Variants in PRDM1 observed in about 807,000 individuals in gnomAD.
The protein encoded by PRDM1 is PR/SET domain 1, also known as PR domain zinc finger protein 1.
PRDM1 carries 13 observed loss-of-function variants against 62.8 expected under a neutral mutation model. The observed-to-expected ratio is 0.21, with a 90% CI of 0.13 to 0.33. PRDM1 has a LOEUF of 0.33. PRDM1 is among the 10% of genes least tolerant of loss of function. The probability of loss-of-function intolerance (pLI) is 1.00; values close to 1 mark genes in which losing one functional copy is unlikely to be tolerated. For synonymous variants in PRDM1, 396 were observed against 417.6 expected (o/e 0.95, Z 0.63); for missense variants, 895 against 1,058.8 (o/e 0.85, Z 2.15).
chr6:106,088,579 A>G, intron 2 of PRDM1, 130 bp downstream of exon 2: 1 of 1,024,746 alleles, frequency 9.8e-7, no homozygotes, highest in Non-Finnish European at 1.4e-6. Context: ...TGATTGCTCT[A>G]TTCAATTCTT....
At position 106,078,795 on chromosome 6, in the gene PRDM1, G is replaced by A. The variant is rs544543930; in HGVS notation, c.-66-9406G>A. ...GGATCATCTGAACCTGGGAGGCTAC[G>A]GTGAGCCATGATTGTGCCACTGCAC... On this transcript the variant is annotated intron_variant, in intron 1 of 6. Transcript: ENST00000651185. 1.5e-4 allele frequency among the ~76,000 whole-genome samples: 23 copies of A among 152,196 alleles called. No homozygotes were observed. The East Asian group carries it at 1.9e-3, about 13-fold the overall frequency.
Position 106,107,385 on chromosome 6 carries a change from G to A in PRDM1, c.2377G>A (p.Glu793Lys). 1 of 1,614,156 alleles carries A rather than the reference G, an allele frequency of 6.2e-7. No homozygotes were observed. ...CCTCTCCTCAGGGTGCAGCCTTTAT[G>A]AGTCATCAGATCTACCCCTCATGAA... The part of the protein sequence containing the change: ...GLLSSGCSLY[E>K]SSDLPLMKLP... The change falls in exon 7 of 7, where the codon GAG becomes AAG. Residue 793 changes from glutamate (E) to lysine (K), a missense_variant. This residue lies in a region of PRDM1 where 164 missense variants were observed against 179.9 expected (regional missense o/e 0.91). Transcript: ENST00000369096.
intron 1 of PRDM1, among the ~76,000 whole-genome samples, chr6:106,030,967 G>C (rs996060046): frequency 2.0e-5 from 3 of 149,968 alleles, no homozygotes; most frequent in African/African-American, 7.3e-5. Flanking sequence ...TAGTTGGTAG[G>C]TTGGAGTCTC....
chr6:106,042,076 G>A (rs959059966), intron 1 of PRDM1, among the ~76,000 whole-genome samples: 3 of 151,238 alleles, frequency 2.0e-5, no homozygotes, highest in Non-Finnish European at 4.4e-5. Flanking sequence ...CCAAAGTGCT[G>A]GGATTACAGG....
intron 1 of PRDM1, among the ~76,000 whole-genome samples, chr6:106,037,556 TTC>T (rs1373829042): frequency 6.6e-6 from 1 of 152,178 alleles, no homozygotes; most frequent in Non-Finnish European, 1.5e-5. Flanking sequence ...TCTTTTTTCT[TTC>T]TGTTTCTCAG....
At chr6:106,051,629 A>G (rs1773176112) in intron 1 of PRDM1, among the ~76,000 whole-genome samples, 1 of 152,202 alleles carries the variant, frequency 6.6e-6, no homozygotes, top group South Asian at 2.1e-4. Flanking sequence ...TAGCTGGCAT[A>G]ACTTTCCTTT....
Position 106,105,184 on chromosome 6 carries a change from A to G in PRDM1, c.1024A>G (p.Ser342Gly), listed in dbSNP as rs774281224. 2 of 1,613,426 alleles carry G rather than the reference A, an allele frequency of 1.2e-6. No individual in the cohort carries two copies. Among genetic ancestry groups the G allele is most frequent in the East Asian group, 2.2e-5 (1 of 44,862 alleles). ...CACTCCAAGCCCCTCTGCAAGAAGCAGCCCCGACCAAAGCCTCAAGAGCTC... is the reference window on the plus strand; with the variant it reads ...CACTCCAAGCCCCTCTGCAAGAAGCGGCCCCGACCAAAGCCTCAAGAGCTC... ...STTPSPSARS[S>G]PDQSLKSSSP... Residue 342 changes from serine (S) to glycine (G), a missense_variant, in exon 5 of 7, where the codon AGC (serine) becomes GGC (glycine). Physicochemically the swap from Ser to Gly is moderately conservative, Grantham distance 56 (BLOSUM62 0). Coordinates refer to ENST00000369096, the MANE Select transcript of PRDM1 (RefSeq NM_001198.4).
At chr6:106,087,160 A>G (rs981369237) in intron 1 of PRDM1, among the ~76,000 whole-genome samples, 14 of 152,194 alleles carry the variant, frequency 9.2e-5, no homozygotes, top group Admixed American at 3.3e-4. Context: ...CCCTTACAGA[A>G]GTTGTTTACC....
chr6:106,025,390 G>A (rs1772750655), intron 1 of PRDM1, among the ~76,000 whole-genome samples: 1 of 152,180 alleles, frequency 6.6e-6, no homozygotes, highest in Non-Finnish European at 1.5e-5. Flanking sequence ...TGTCATAAAA[G>A]ATCCATAACT....
At chr6:106,071,445 A>G (rs899364979) in intron 1 of PRDM1, among the ~76,000 whole-genome samples, 1 of 152,166 alleles carries the variant, frequency 6.6e-6, no homozygotes, top group African/African-American at 2.4e-5. Flanking sequence ...AATAAAAATT[A>G]ATACAGGAAG....
Position 106,107,513 on chromosome 6 carries a change from T to TCTTAAGTTATGA in PRDM1, c.*31_*42dup. ...ATTTTCAGAAAACACTTATTTTGTT[T>TCTTAAGTTATGA]CTTAAGTTATGACTTGGTGAGTCAG... On this transcript the variant is annotated 3_prime_UTR_variant, in exon 7 of 7. Coordinates refer to ENST00000369096, the MANE Select transcript of PRDM1 (RefSeq NM_001198.4). The TCTTAAGTTATGA allele has an allele frequency of 6.4e-7, 1 of 1,559,866 alleles. No homozygotes were observed. The highest frequency in any genetic ancestry group is 8.7e-7 in the Non-Finnish European group (1 of 1,150,214).
At chr6:106,076,055 C>T (rs1330706982) in intron 1 of PRDM1, among the ~76,000 whole-genome samples, 2 of 151,906 alleles carry the variant, frequency 1.3e-5, no homozygotes, top group Non-Finnish European at 2.9e-5. Context: ...ATGCTCAAGC[C>T]ATCCTCCAAC....
At chr6:106,060,945 T>C (rs1582444558) in intron 1 of PRDM1, among the ~76,000 whole-genome samples, 1 of 152,072 alleles carries the variant, frequency 6.6e-6, no homozygotes, top group Non-Finnish European at 1.5e-5. Flanking sequence ...CTGGGGATGA[T>C]GGCAACAAGC....
In PRDM1 at chr6:106,099,309, A is replaced by C. The variant is rs1774198858; in HGVS notation, c.421A>C (p.Arg141=). ...NRKYFWRIYS[R]GELHHFIDGF... is the part of the protein sequence containing the mutation. ...CTTCTCTTTTGGACAGATCTATTCC[A>C]GAGGGGAGCTTCACCACTTCATTGA... Residue 141 remains arginine, a synonymous_variant, in exon 4 of 7, where the codon AGA becomes CGA. Transcript: ENST00000369096. 6.2e-7 allele frequency: 1 copy of C among 1,613,978 alleles called. No homozygotes were observed. Among genetic ancestry groups the C allele is most frequent in the Non-Finnish European group, 8.5e-7 (1 of 1,180,012 alleles).
chr6:106,050,036 G>A (rs755556012), intron 1 of PRDM1, among the ~76,000 whole-genome samples: 1 of 152,146 alleles, frequency 6.6e-6, no homozygotes, highest in Non-Finnish European at 1.5e-5. Flanking sequence ...AGATGACACT[G>A]AGTAAGGAGC....
At chr6:106,063,628 T>C (rs912873102) in intron 1 of PRDM1, among the ~76,000 whole-genome samples, 1 of 152,198 alleles carries the variant, frequency 6.6e-6, no homozygotes, top group Admixed American at 6.5e-5. Context: ...AAATATTTAT[T>C]AGTCAATTCT....
intron 3 of PRDM1, chr6:106,098,510 C>T: frequency 2.4e-6 from 3 of 1,231,084 alleles, no homozygotes; most frequent in Non-Finnish European, 3.1e-6. Flanking sequence ...ACGCCTATGG[C>T]TCTGTGTGTG....
chr6:106,037,983 C>G lies in PRDM1; in HGVS notation c.-67+44344C>G, dbSNP rs115941432. ...TAATGTGATAACTGGAAATCAGACTCTCTCCCTTTCCTATGGTTTGCTATT... is the reference window on the plus strand; with the variant it reads ...TAATGTGATAACTGGAAATCAGACTGTCTCCCTTTCCTATGGTTTGCTATT... On this transcript the variant is annotated intron_variant, in intron 1 of 6. Transcript: ENST00000652320. Among the ~76,000 whole-genome samples, 743 of 130,112 alleles carry G rather than the reference C, an allele frequency of 5.7e-3. 3 individuals carry two copies. The highest frequency in any genetic ancestry group is 0.02 in the African/African-American group (701 of 35,106). 85.4% of individuals were successfully genotyped at this position (130,112 alleles called of 152,430 possible).
In PRDM1 at chr6:106,095,711, G is replaced by T; in HGVS notation, c.388G>T (p.Ala130Ser). The T allele has an allele frequency of 6.2e-7, 1 of 1,613,924 alleles. No homozygotes were observed. The highest frequency in any genetic ancestry group is 8.5e-7 in the Non-Finnish European group (1 of 1,179,934). The change falls in exon 3 of 7, where the codon GCC becomes TCC. Residue 130 changes from alanine (A) to serine (S), a missense_variant. Physicochemically the swap from Ala to Ser is moderately conservative, Grantham distance 99. Around this residue, in one of 4 missense-constraint regions of PRDM1, gnomAD observed 213 missense variants for 283.9 expected, o/e 0.75. Coordinates refer to ENST00000369096, the MANE Select transcript of PRDM1 (RefSeq NM_001198.4). ...CACCAATGACACAGTTCCTAAGAAC[G>T]CCAACAGGAAATATTTTTGGAGGGT... ...IYTNDTVPKN[A>S]NRKYFWRIYS...
Sources: gnomAD v4.1 joint callset for allele counts (sites outside exome capture counted in the v4.1 genomes callset) on GRCh38, gnomAD v4.1.1 for gene constraint, gnomAD v4.1.1 regional missense constraint, MANE v1.5 for transcripts, NCBI Gene and HGNC (gene_info 2026-07-23, HGNC 2026-07-21) for gene names.